Variants in ACACA observed in about 807,000 individuals in gnomAD.
ACACA encodes the protein acetyl-CoA carboxylase 1.
Under a neutral mutation model 296.1 loss-of-function variants are expected in ACACA, and 103 were observed. The observed-to-expected ratio is 0.35, with a 90% CI of 0.30 to 0.41. ACACA has a LOEUF of 0.41. Ranked by LOEUF, ACACA falls within the 10% of genes least tolerant of loss-of-function variation. The pLI, the probability that ACACA is intolerant of heterozygous loss-of-function variation, is 1.00. For synonymous variants in ACACA, 953 were observed against 1,038.6 expected (o/e 0.92, Z 1.58); for missense variants, 1,554 against 2,989.7 (o/e 0.52, Z 11.20).
At chr17:37,345,755 T>C (rs1306017007) in intron 1 of ACACA, among the ~76,000 whole-genome samples, 1 of 152,154 alleles carries the variant, frequency 6.6e-6, no homozygotes, top group African/African-American at 2.4e-5. Flanking sequence ...AGGGACATTC[T>C]ATAAAATACT....
chr17:37,385,886 C>A, intron 1 of ACACA: 1 of 636,642 alleles, frequency 1.6e-6, no homozygotes, highest in Non-Finnish European at 2.7e-6. Context: ...AACCTATGGA[C>A]AGACAGGTTA....
intron 1 of ACACA, chr17:37,389,165 A>G: frequency 6.8e-7 from 1 of 1,480,102 alleles, no homozygotes; most frequent in Non-Finnish European, 9.1e-7. Context: ...GCTTCCTTTA[A>G]GTTGCCCAAC....
intron 8 of ACACA, among the ~76,000 whole-genome samples, chr17:37,275,501 A>G (rs2082245612): frequency 1.4e-5 from 2 of 147,908 alleles, no homozygotes; most frequent in Non-Finnish European, 3.0e-5. Flanking sequence ...AACTCAAAAA[A>G]AAAAAAAAAA....
At chr17:37,377,604 G>A (rs753768467) in intron 1 of ACACA, among the ~76,000 whole-genome samples, 5 of 151,998 alleles carry the variant, frequency 3.3e-5, no homozygotes, top group Non-Finnish European at 5.9e-5. Context: ...ATGTTGCAAT[G>A]AGCGGAGATC....
chr17:37,162,444 T>C (rs1453298775), intron 41 of ACACA, among the ~76,000 whole-genome samples: 1 of 152,146 alleles, frequency 6.6e-6, no homozygotes, highest in African/African-American at 2.4e-5. Context: ...AAATCTCATG[T>C]TGAGATATGA....
chr17:37,142,451 G>C (rs921846295), intron 45 of ACACA, among the ~76,000 whole-genome samples: 1 of 152,196 alleles, frequency 6.6e-6, no homozygotes, highest in African/African-American at 2.4e-5. Flanking sequence ...GTGTGGGGAG[G>C]GAGCGCTTGA....
chr17:37,177,085 A>C (rs2077143790), intron 41 of ACACA, among the ~76,000 whole-genome samples: 2 of 152,174 alleles, frequency 1.3e-5, no homozygotes, highest in Admixed American at 6.5e-5. Flanking sequence ...TTTTGAAGAA[A>C]TACTATTCAC....
rs191189754 is a variant in ACACA at position 37,188,383 on chromosome 17, G to A, written c.4670C>T (p.Thr1557Met). 40 of 1,614,124 alleles carry A rather than the reference G, an allele frequency of 2.5e-5. No homozygotes were observed. The highest frequency in any genetic ancestry group is 1.2e-4 in the African/African-American group (9 of 75,026). Reference sequence around the variant, plus strand: ...GATGGGAATTGCTTTTCCAGTTGGCGTCAGGCGAATGTTGATTTTCAGTTC... The same window carrying A: ...GATGGGAATTGCTTTTCCAGTTGGCATCAGGCGAATGTTGATTTTCAGTTC... ...QAELKINIRL[T>M]PTGKAIPIRL... Residue 1557 changes from threonine to methionine, a missense_variant, in exon 39 of 56, where the codon ACG (threonine) becomes ATG (methionine). By Grantham distance (81) the Thr-to-Met change is moderately conservative. Coordinates refer to ENST00000616317, the MANE Select transcript of ACACA (RefSeq NM_198834.3).
chr17:37,406,538 G>A lies in ACACA; in HGVS notation c.-239C>T, dbSNP rs375109547. 5 of 610,836 alleles carry A rather than the reference G, an allele frequency of 8.2e-6. No individual in the cohort carries two copies. Among genetic ancestry groups the A allele is most frequent in the African/African-American group, 3.7e-5 (2 of 54,086 alleles). The allele number at this position is 610,836 out of a possible 1,614,324, so 37.8% of individuals were successfully genotyped here. On this transcript the variant is annotated 5_prime_UTR_variant, in exon 1 of 56. Coordinates refer to ENST00000616317, the MANE Select transcript of ACACA (RefSeq NM_198834.3). ...CAATTTCCCTTGCTGCAACAGGGGT[G>A]GAGATGGGAACGTTATCCCCAAACC...
At chr17:37,173,350 G>A (rs2144696475) in intron 41 of ACACA, among the ~76,000 whole-genome samples, 1 of 152,240 alleles carries the variant, frequency 6.6e-6, no homozygotes, top group Non-Finnish European at 1.5e-5. Context: ...TAAAATAAGA[G>A]GTCCTTTGGG....
intron 1 of ACACA, chr17:37,388,585 C>A: frequency 6.8e-7 from 1 of 1,461,970 alleles, no homozygotes. Flanking sequence ...GTCTTGTGAG[C>A]CAGAAGAACT....
intron 1 of ACACA, chr17:37,387,725 C>A (rs1237349834): frequency 6.6e-6 from 1 of 152,226 alleles, no homozygotes; most frequent in South Asian, 2.1e-4. Context: ...GGATTACAGG[C>A]ATGAGCCACC....
At chr17:37,242,138 ATCT>A (rs879090583) in intron 22 of ACACA, 85 bp from the exon 23 acceptor site, 20 of 1,028,078 alleles carry the variant, frequency 1.9e-5, no homozygotes, top group South Asian at 1.2e-4. Flanking sequence ...ACCAGTAGGA[ATCT>A]TCTTCTTATA....
chr17:37,171,980 A>G (rs565346503), intron 41 of ACACA, among the ~76,000 whole-genome samples: 2 of 152,260 alleles, frequency 1.3e-5, no homozygotes, highest in South Asian at 4.1e-4. Flanking sequence ...TTGTCCATTA[A>G]TCATACGAAT....
rs147675035 is a variant in ACACA, at chr17:37,216,863, A to C, written c.3683+4861T>G. On this transcript the variant is annotated intron_variant, in intron 29 of 55. Transcript: ENST00000616317. ...AAAAAAACAAAAACAAAAACAAAAA[A>C]AACTCTGCTGCCAGTTTGCAGACAG... 2.7e-3 allele frequency among the ~76,000 whole-genome samples: 413 copies of C among 152,170 alleles called. 2 individuals carry two copies. The highest frequency in any genetic ancestry group is 9.4e-3 in the African/African-American group (392 of 41,534).
intron 5 of ACACA, among the ~76,000 whole-genome samples, chr17:37,281,426 CT>C (rs1224060738): frequency 6.6e-6 from 1 of 152,168 alleles, no homozygotes; most frequent in Non-Finnish European, 1.5e-5. Context: ...TCACCGGACC[CT>C]GTGCATGTTT....
intron 1 of ACACA, among the ~76,000 whole-genome samples, chr17:37,393,398 C>T (rs901212016): frequency 1.3e-5 from 2 of 152,094 alleles, no homozygotes; most frequent in Admixed American, 1.3e-4. Flanking sequence ...GCATTATATA[C>T]TTAGAAGCTC....
chr17:37,402,423 A>T (rs2147854779), intron 1 of ACACA, among the ~76,000 whole-genome samples: 1 of 152,308 alleles, frequency 6.6e-6, no homozygotes, highest in Admixed American at 6.5e-5. Context: ...GTGATGATAA[A>T]GATATAGGAA....
At chr17:37,314,657 T>C (rs2047001143) in intron 3 of ACACA, among the ~76,000 whole-genome samples, 1 of 139,076 alleles carries the variant, frequency 7.2e-6, no homozygotes, top group Non-Finnish European at 1.5e-5. Context: ...TTTTTTTTTT[T>C]GAGATGGTAT....
Sources: gnomAD v4.1 joint callset for allele counts (sites outside exome capture counted in the v4.1 genomes callset) on GRCh38, gnomAD v4.1.1 for gene constraint, MANE v1.5 for transcripts, NCBI Gene and HGNC (gene_info 2026-07-23, HGNC 2026-07-21) for gene names.